TLN2: variants seen among roughly 807,000 people sequenced by gnomAD.
TLN2 encodes the protein talin-2.
In TLN2, 118 loss-of-function variants were observed where a neutral mutation model predicts 294.7. The observed-to-expected ratio is 0.40, with a 90% CI of 0.34 to 0.47. The LOEUF is 0.47. TLN2 is among the 20% of genes least tolerant of loss of function. The probability of loss-of-function intolerance (pLI) is 0.84; values close to 1 mark genes in which losing one functional copy is unlikely to be tolerated. For missense variants in TLN2, 3,083 were observed against 3,282.2 expected, an observed-to-expected ratio of 0.94 and a Z score of 1.48; for synonymous variants, 1,431 against 1,304.5, an observed-to-expected ratio of 1.10 and a Z score of -2.09.
chr15:62,557,635 G>A (rs369818526), intron 1 of TLN2, among the ~76,000 whole-genome samples: 33 of 152,136 alleles, frequency 2.2e-4, no homozygotes, highest in Middle Eastern at 3.4e-3. Context: ...TCCACCTCCC[G>A]GGCTCAAGTG....
intron 27 of TLN2, among the ~76,000 whole-genome samples, chr15:62,725,409 T>C (rs879433822): frequency 6.6e-6 from 1 of 152,272 alleles, no homozygotes; most frequent in South Asian, 2.1e-4. Context: ...GAAAAGATTA[T>C]CAGCAGTCAT....
chr15:62,557,648 T>A (rs923366544), intron 1 of TLN2, among the ~76,000 whole-genome samples: 1 of 152,064 alleles, frequency 6.6e-6, no homozygotes, highest in Non-Finnish European at 1.5e-5. Context: ...CTCAAGTGAT[T>A]CTCCTCCCTC....
At chr15:62,560,490 C>A (rs961069148) in intron 1 of TLN2, among the ~76,000 whole-genome samples, 1 of 152,170 alleles carries the variant, frequency 6.6e-6, no homozygotes, top group East Asian at 1.9e-4. Flanking sequence ...CCATGCCCAG[C>A]TAATTTTTGT....
chr15:62,580,671 A>G (rs2044885191), intron 1 of TLN2, among the ~76,000 whole-genome samples: 1 of 151,824 alleles, frequency 6.6e-6, no homozygotes, highest in Admixed American at 6.6e-5. Flanking sequence ...TTCGCCTCCC[A>G]AAGTGCTGGG....
chr15:62,555,844 A>C (rs1050141083), intron 1 of TLN2, among the ~76,000 whole-genome samples: 1 of 152,020 alleles, frequency 6.6e-6, no homozygotes, highest in African/African-American at 2.4e-5. Context: ...GTCTATTTTC[A>C]TAATGCTGTC....
chr15:62,640,284 C>T (rs2050874724), intron 3 of TLN2: 1 of 455,998 alleles, frequency 2.2e-6, no homozygotes, highest in South Asian at 1.5e-5. Context: ...GATGTAGACA[C>T]AGATGAATTA....
rs1051018095 is a variant in TLN2, at chr15:62,776,870, T to C, written c.5474T>C (p.Val1825Ala). 1 of 1,596,460 alleles carries C rather than the reference T, an allele frequency of 6.3e-7. No homozygotes were observed. The highest frequency in any genetic ancestry group is 1.7e-5 in the Admixed American group (1 of 57,826). Residue 1825 changes from valine to alanine, a missense_variant, in exon 43 of 59, where the codon GTT becomes GCT. Val to Ala is a moderately conservative substitution (Grantham distance 64). Transcript: ENST00000636159. The stretch of plus-strand genomic sequence containing the variant: ...GAAGCTGCCAGTGAAGTGGGGCTGG[T>C]TGGGGGCATGGTGGACGCCATTGCA... ...LNEAASEVGL[V>A]GGMVDAIAEA...
intron 1 of TLN2, among the ~76,000 whole-genome samples, chr15:62,489,175 AAAATAT>A (rs1169322073): frequency 6.6e-6 from 1 of 152,210 alleles, no homozygotes; most frequent in Non-Finnish European, 1.5e-5. Flanking sequence ...GCAAACAAAG[AAAATAT>A]AAATATAGAA....
At chr15:62,686,494 C>T (rs1331797912) in intron 11 of TLN2, 147 bp from the exon 12 acceptor site, 17 of 875,338 alleles carry the variant, frequency 1.9e-5, no homozygotes. Context: ...GAGTTATTCA[C>T]CTAGCCTCAA....
At chr15:62,767,745 G>T (rs1210089882) in intron 41 of TLN2, among the ~76,000 whole-genome samples, 1 of 152,174 alleles carries the variant, frequency 6.6e-6, no homozygotes, top group Non-Finnish European at 1.5e-5. Context: ...TGGACACTGG[G>T]GCCACTGCCT....
At chr15:62,732,100 G>A (rs972397864) in intron 28 of TLN2, among the ~76,000 whole-genome samples, 2 of 152,118 alleles carry the variant, frequency 1.3e-5, no homozygotes, top group Non-Finnish European at 2.9e-5. Flanking sequence ...CATTCTAGGA[G>A]GAGGAAAGGT....
At chr15:62,711,125 G>A (rs892558862) in intron 21 of TLN2, among the ~76,000 whole-genome samples, 5 of 152,008 alleles carry the variant, frequency 3.3e-5, no homozygotes, top group Non-Finnish European at 7.4e-5. Context: ...CCCCCTTTTT[G>A]TTATAGTGCT....
chr15:62,641,284 T>C (rs984935222), intron 3 of TLN2, among the ~76,000 whole-genome samples: 2 of 152,120 alleles, frequency 1.3e-5, no homozygotes, highest in African/African-American at 4.8e-5. Context: ...GCTGCTTCCA[T>C]TGTTTGTGCA....
chr15:62,750,509 G>GT lies in TLN2; in HGVS notation c.4209+19dup, dbSNP rs2061870091. On this transcript the variant is annotated intron_variant, in intron 34 of 58. Transcript: ENST00000636159. ...ACTCCAAGGTAAGACTGCCTATGCCGTAAGTCAGAAGTTAGCATTGCTTGT... is the reference window on the plus strand; with the variant it reads ...ACTCCAAGGTAAGACTGCCTATGCCGTTAAGTCAGAAGTTAGCATTGCTTGT... 2.5e-6 allele frequency: 4 copies of GT among 1,603,968 alleles called. No homozygotes were observed. The highest frequency in any genetic ancestry group is 3.4e-6 in the Non-Finnish European group (4 of 1,170,852).
chr15:62,663,489 A>C (rs71393109), intron 9 of TLN2, among the ~76,000 whole-genome samples: 1 of 151,886 alleles, frequency 6.6e-6, no homozygotes, highest in Non-Finnish European at 1.5e-5. Context: ...ACAAACTGTC[A>C]TTAGTTGCAG....
chr15:62,598,880 G>A (rs1486291167), intron 2 of TLN2, among the ~76,000 whole-genome samples: 1 of 152,012 alleles, frequency 6.6e-6, no homozygotes, highest in Non-Finnish European at 1.5e-5. Flanking sequence ...CTGGGCGATG[G>A]GACCCGTGCA....
Position 62,707,131 on chromosome 15 carries a change from A to G in TLN2, c.2050A>G (p.Met684Val). The G allele has an allele frequency of 1.2e-6, 2 of 1,614,190 alleles. No homozygotes were observed. The highest frequency in any genetic ancestry group is 1.7e-6 in the Non-Finnish European group (2 of 1,180,018). The change falls in exon 20 of 59, where the codon ATG (methionine) becomes GTG (valine). Residue 684 changes from methionine (M) to valine (V), a missense_variant. Transcript: ENST00000636159. ...LAKAVANAAA[M>V]LVLKAKNVAQ... ...CAAAGCTGTTGCCAATGCAGCTGCCATGTTGGTACTAAAGGCAAAGAATGT... is the reference window on the plus strand; with the variant it reads ...CAAAGCTGTTGCCAATGCAGCTGCCGTGTTGGTACTAAAGGCAAAGAATGT...
At chr15:62,793,759 A>T (rs2065248688) in intron 46 of TLN2, among the ~76,000 whole-genome samples, 1 of 151,740 alleles carries the variant, frequency 6.6e-6, no homozygotes, top group Non-Finnish European at 1.5e-5. Context: ...AGGATAAAGC[A>T]TCCAGGCTTG....
chr15:62,680,056 C>G (rs886130946), intron 11 of TLN2, among the ~76,000 whole-genome samples: 1 of 152,210 alleles, frequency 6.6e-6, no homozygotes, highest in Admixed American at 6.5e-5. Context: ...CTGCTAATCA[C>G]ACTGTCGTGA....
Sources: gnomAD v4.1 joint callset for allele counts (sites outside exome capture counted in the v4.1 genomes callset) on GRCh38, gnomAD v4.1.1 for gene constraint, MANE v1.5 for transcripts, NCBI Gene and HGNC (gene_info 2026-07-23, HGNC 2026-07-21) for gene names.